Variants in MEI1 observed in about 807,000 individuals in gnomAD.
MEI1 encodes the protein meiotic double-stranded break formation protein 1.
Under a neutral mutation model 146.2 loss-of-function variants are expected in MEI1, and 103 were observed. The ratio of observed to expected loss-of-function variants is 0.70; its 90% CI spans 0.60 to 0.83. The LOEUF (loss-of-function observed/expected upper bound fraction) is 0.83. MEI1 is among the 40% of genes least tolerant of loss of function. The pLI is 0.00. For missense variants in MEI1, 1,529 were observed against 1,533.0 expected, an observed-to-expected ratio of 1.00 and a Z score of 0.04; for synonymous variants, 652 against 628.2, an observed-to-expected ratio of 1.04 and a Z score of -0.57.
intron 26 of MEI1, among the ~76,000 whole-genome samples, chr22:41,792,271 A>G (rs547163397): frequency 1.3e-5 from 2 of 152,296 alleles, no homozygotes; most frequent in African/African-American, 4.8e-5. Context: ...TGGCACCAGC[A>G]CTACAAACTG....
intron 6 of MEI1, among the ~76,000 whole-genome samples, chr22:41,718,962 C>G (rs2070468911): frequency 6.6e-6 from 1 of 151,226 alleles, no homozygotes; most frequent in Non-Finnish European, 1.5e-5. Context: ...ACCTCTACCT[C>G]CCCGGTTCAA....
At chr22:41,712,854 G>C (rs2069725159) in intron 3 of MEI1, among the ~76,000 whole-genome samples, 1 of 148,768 alleles carries the variant, frequency 6.7e-6, no homozygotes, top group African/African-American at 2.5e-5. Flanking sequence ...TGTTGCCCAG[G>C]CTGGAGTGCA....
At chr22:41,741,064 C>G (rs913560239) in intron 11 of MEI1, among the ~76,000 whole-genome samples, 1 of 152,160 alleles carries the variant, frequency 6.6e-6, no homozygotes, top group African/African-American at 2.4e-5. Flanking sequence ...GCACGCGCCA[C>G]CATGCCCAGC....
At chr22:41,772,304 G>A (rs1246836529) in intron 20 of MEI1, among the ~76,000 whole-genome samples, 5 of 151,882 alleles carry the variant, frequency 3.3e-5, no homozygotes, top group African/African-American at 4.8e-5. Flanking sequence ...TCACTGCAGC[G>A]TCAATCTTCT....
In MEI1 at chr22:41,795,021, C is replaced by T. The variant is rs117014364; in HGVS notation, c.3535-390C>T. Among the ~76,000 whole-genome samples the T allele has an allele frequency of 4.6e-5, 7 of 152,322 alleles. No homozygotes were observed. The East Asian group carries it at 1.3e-3, about 29-fold the overall frequency. ...CTCAGCAGTGAAGGTAACATTTTAGCTGTGGCTTGAGAGATTAATAGGCAG... is the reference window on the plus strand; with the variant it reads ...CTCAGCAGTGAAGGTAACATTTTAGTTGTGGCTTGAGAGATTAATAGGCAG... On this transcript the variant is annotated intron_variant, in intron 28 of 30. Transcript: ENST00000401548. The surrounding 1 kb of genome is among the most constrained non-coding windows in gnomAD (Gnocchi z 4.2).
intron 7 of MEI1, among the ~76,000 whole-genome samples, chr22:41,726,299 A>C (rs187315987): frequency 6.6e-6 from 1 of 152,314 alleles, no homozygotes; most frequent in East Asian, 1.9e-4. Flanking sequence ...CATCAAGTGT[A>C]ATGAGCTAGG....
intron 20 of MEI1, 185 bp from the exon 21 acceptor site, chr22:41,775,917 T>C (rs1459150293): frequency 3.6e-6 from 2 of 555,204 alleles, no homozygotes; most frequent in Non-Finnish European, 6.4e-6. Flanking sequence ...TTCTAAGGGA[T>C]GGTTTTGAGG....
intron 21 of MEI1, among the ~76,000 whole-genome samples, chr22:41,778,000 C>T (rs1475628910): frequency 1.3e-5 from 2 of 151,284 alleles, no homozygotes; most frequent in East Asian, 1.9e-4. Flanking sequence ...CCCTCCTCCT[C>T]CTTCCTTCCT....
intron 3 of MEI1, among the ~76,000 whole-genome samples, chr22:41,713,483 G>GAA (rs57285035): frequency 5.7e-4 from 83 of 146,356 alleles, no homozygotes; most frequent in Middle Eastern, 3.5e-3. Flanking sequence ...AAAATCAAAA[G>GAA]AAAAAAAAAA....
chr22:41,784,305 A>G, intron 24 of MEI1, 34 bp from the exon 25 acceptor site: 1 of 1,593,090 alleles, frequency 6.3e-7, no homozygotes, highest in South Asian at 1.1e-5. Flanking sequence ...CTTCCAGAAC[A>G]TGGGGGTTAG....
intron 11 of MEI1, among the ~76,000 whole-genome samples, chr22:41,740,773 T>C (rs1052376300): frequency 2.0e-5 from 3 of 151,910 alleles, no homozygotes; most frequent in African/African-American, 7.3e-5. Context: ...AATTTAAAGG[T>C]GGTGGAACTA....
At chr22:41,777,060 G>T (rs757940480) in intron 21 of MEI1, among the ~76,000 whole-genome samples, 1 of 151,822 alleles carries the variant, frequency 6.6e-6, no homozygotes, top group Non-Finnish European at 1.5e-5. Context: ...CAAGTGATCC[G>T]CCCACCTCAG....
intron 6 of MEI1, among the ~76,000 whole-genome samples, chr22:41,722,575 T>C (rs2070962112): frequency 6.6e-6 from 1 of 151,604 alleles, no homozygotes; most frequent in African/African-American, 2.4e-5. Flanking sequence ...CTTCTCTATC[T>C]GTCCCCACCC....
Position 41,716,047 on chromosome 22 carries a change from A to G in MEI1, c.430A>G (p.Asn144Asp), listed in dbSNP as rs867203967. 35 of 1,607,582 alleles carry G rather than the reference A, an allele frequency of 2.2e-5. No homozygotes were observed. In the Middle Eastern group the frequency reaches 1.5e-3, roughly 68 times the overall value. The change falls in exon 5 of 31, where the codon AAC becomes GAC. Residue 144 changes from asparagine to aspartate, a missense_variant. Physicochemically the swap from Asn to Asp is conservative, Grantham distance 23. Transcript: ENST00000401548. ...LLDECHKELCNMPSMRGSLAT... is the reference protein window; with the variant it reads ...LLDECHKELCDMPSMRGSLAT... The stretch of plus-strand genomic sequence containing the variant: ...GCATATTCACTTTCTGTAGCTGTGT[A>G]ACATGCCCTCCATGCGAGGCAGCCT...
At chr22:41,726,787 T>G (rs1303130772) in intron 7 of MEI1, among the ~76,000 whole-genome samples, 1 of 152,084 alleles carries the variant, frequency 6.6e-6, no homozygotes, top group Non-Finnish European at 1.5e-5. Flanking sequence ...TCTTTTTTTT[T>G]TTTTGAGATG....
Position 41,699,693 on chromosome 22 carries a change from T to A in MEI1, c.155T>A (p.Leu52Gln), listed in dbSNP as rs1290276891. 1 of 1,584,770 alleles carries A rather than the reference T, an allele frequency of 6.3e-7. No individual in the cohort carries two copies. The highest frequency in any genetic ancestry group is 8.6e-7 in the Non-Finnish European group (1 of 1,166,342). Residue 52 changes from leucine (L) to glutamine (Q), a missense_variant, in exon 1 of 31, where the codon CTG (leucine) becomes CAG (glutamine). Transcript: ENST00000401548. ...TGCCTGGCCTGCGCGCTGGAGCTGC[T>A]GCCGGACCCCGGCGTGTCGGTGCGG... ...RLCLACALEL[L>Q]PDPGVSLVRK...
At chr22:41,737,196 C>T (rs1245501857) in intron 11 of MEI1, among the ~76,000 whole-genome samples, 1 of 152,082 alleles carries the variant, frequency 6.6e-6, no homozygotes, top group East Asian at 1.9e-4. Context: ...TTGACCTTAT[C>T]AGACTGCTAT....
chr22:41,725,526 T>G (rs761835475), intron 7 of MEI1, among the ~76,000 whole-genome samples: 1 of 152,234 alleles, frequency 6.6e-6, no homozygotes, highest in Non-Finnish European at 1.5e-5. Context: ...ATTCTGAGCT[T>G]GGTACTGAGA....
intron 26 of MEI1, among the ~76,000 whole-genome samples, chr22:41,793,029 A>ATT (rs1602189420): frequency 1.6e-5 from 1 of 62,734 alleles, no homozygotes; most frequent in Non-Finnish European, 3.8e-5. Flanking sequence ...GAAACAAAGC[A>ATT]TTCTTTTTTT....
Sources: gnomAD v4.1 joint callset for allele counts (sites outside exome capture counted in the v4.1 genomes callset) on GRCh38, gnomAD v4.1.1 for gene constraint, Gnocchi (gnomAD v3.1) non-coding constraint, MANE v1.5 for transcripts, NCBI Gene and HGNC (gene_info 2026-07-23, HGNC 2026-07-21) for gene names.